Variants in IL34 observed in about 807,000 individuals in gnomAD.
IL34 encodes the protein interleukin-34.
Under a neutral mutation model 25.3 loss-of-function variants are expected in IL34, and 17 were observed. That is an observed-to-expected ratio of 0.67 (90% CI 0.46 to 1.01). The LOEUF (loss-of-function observed/expected upper bound fraction) is 1.01, where lower values mean the gene tolerates loss of function less well. Ranked by LOEUF, IL34 falls within the 50% of genes least tolerant of loss-of-function variation. The pLI, the probability that IL34 is intolerant of heterozygous loss-of-function variation, is 0.00. For synonymous variants in IL34, 174 were observed against 140.9 expected (o/e 1.23, Z -1.66); for missense variants, 368 against 312.9 (o/e 1.18, Z -1.33).
At chr16:70,605,665 T>C (rs1329716839) in intron 1 of IL34, among the ~76,000 whole-genome samples, 1 of 152,146 alleles carries the variant, frequency 6.6e-6, no homozygotes, top group African/African-American at 2.4e-5. Flanking sequence ...CTCTTCTCTC[T>C]TCTCTTCTCT....
chr16:70,626,296 G>T (rs2051391941), intron 1 of IL34, among the ~76,000 whole-genome samples: 1 of 151,962 alleles, frequency 6.6e-6, no homozygotes, highest in Non-Finnish European at 1.5e-5. Flanking sequence ...TTATTTCTAT[G>T]GAGTCAAATT....
rs1555506757 is a variant in IL34, at chr16:70,659,983, C to CCTAT, written c.539-11_539-8dup. 1.8e-5 allele frequency: 28 copies of CCTAT among 1,558,370 alleles called. No individual in the cohort carries two copies. Among genetic ancestry groups the CCTAT allele is most frequent in the Non-Finnish European group, 2.4e-5 (28 of 1,157,114 alleles). On this transcript the variant is annotated splice_polypyrimidine_tract_variant and intron_variant, in intron 5 of 5. Coordinates refer to ENST00000288098, the MANE Select transcript of IL34 (RefSeq NM_001393494.1). ...ACTGCTGCAGTCTTTTTTTTTTTCCCCTATCTCTTGCAGGTAAACAAAGCT... is the reference window on the plus strand; with the variant it reads ...ACTGCTGCAGTCTTTTTTTTTTTCCCCTATCTATCTCTTGCAGGTAAACAAAGCT...
intron 1 of IL34, among the ~76,000 whole-genome samples, chr16:70,581,656 A>G (rs2050637058): frequency 6.6e-6 from 1 of 152,192 alleles, no homozygotes; most frequent in South Asian, 2.1e-4. Flanking sequence ...GAGACAGTCT[A>G]ACGCAGTGGT....
At chr16:70,657,685 GA>G (rs1209822323) in intron 4 of IL34, among the ~76,000 whole-genome samples, 1 of 152,158 alleles carries the variant, frequency 6.6e-6, no homozygotes, top group East Asian at 1.9e-4. Context: ...TGAGGCAGGA[GA>G]ATCGCTTGAA....
chr16:70,610,349 G>C (rs1350386179), intron 1 of IL34, among the ~76,000 whole-genome samples: 2 of 152,166 alleles, frequency 1.3e-5, no homozygotes, highest in African/African-American at 4.8e-5. Context: ...TTTTCCTCCA[G>C]CGTCTGGGAG....
chr16:70,626,722 T>G (rs2051402142), intron 1 of IL34, among the ~76,000 whole-genome samples: 1 of 152,050 alleles, frequency 6.6e-6, no homozygotes, highest in Non-Finnish European at 1.5e-5. Flanking sequence ...CTATGTTTTC[T>G]TCTATTATTT....
intron 1 of IL34, among the ~76,000 whole-genome samples, chr16:70,649,162 G>C (rs1452272763): frequency 2.6e-5 from 4 of 152,176 alleles, no homozygotes; most frequent in African/African-American, 9.7e-5. Flanking sequence ...AGAATTCAAG[G>C]CAAGCTGGTG....
At chr16:70,633,252 C>A (rs935354262) in intron 1 of IL34, among the ~76,000 whole-genome samples, 2 of 150,154 alleles carry the variant, frequency 1.3e-5, no homozygotes, top group Non-Finnish European at 3.0e-5. Context: ...AGTGCCCAGA[C>A]TGATTTTTTT....
Position 70,659,850 on chromosome 16 carries a change from C to T in IL34, c.538+97C>T, listed in dbSNP as rs1423748562. ...AGAGCTGGCGTCCTCCCGGGCATAT[C>T]CTCTGCTCCCCGGGGCTACAAGCCA... On this transcript the variant is annotated intron_variant, in intron 5 of 5. Transcript: ENST00000288098. The T allele has an allele frequency of 9.3e-6, 14 of 1,498,270 alleles. No homozygotes were observed. The Admixed American group carries it at 1.7e-4, about 18-fold the overall frequency. 92.8% of individuals were successfully genotyped at this position (1,498,270 alleles called of 1,614,324 possible).
intron 2 of IL34, among the ~76,000 whole-genome samples, chr16:70,655,691 C>T (rs560651282): frequency 1.3e-5 from 2 of 152,206 alleles, no homozygotes; most frequent in African/African-American, 4.8e-5. Context: ...CATGCCTGAC[C>T]AATGTATCTT....
chr16:70,600,957 T>G (rs1024895341), intron 1 of IL34, among the ~76,000 whole-genome samples: 4 of 143,092 alleles, frequency 2.8e-5, no homozygotes, highest in Non-Finnish European at 5.9e-5. Flanking sequence ...GAGTAGGGGA[T>G]GCTGGGAGAA....
At chr16:70,618,102 T>A (rs1356399606) in intron 1 of IL34, among the ~76,000 whole-genome samples, 1 of 152,166 alleles carries the variant, frequency 6.6e-6, no homozygotes, top group Non-Finnish European at 1.5e-5. Context: ...TGAGAAGTTA[T>A]TTCCTTGAGG....
chr16:70,623,041 A>T (rs182779316), intron 1 of IL34, among the ~76,000 whole-genome samples: 177 of 152,172 alleles, frequency 1.2e-3, no homozygotes, highest in Middle Eastern at 3.4e-3. Context: ...TTGGGGGATT[A>T]ATCGGACACG....
intron 1 of IL34, among the ~76,000 whole-genome samples, chr16:70,582,395 C>T (rs11645287): frequency 0.4 from 61,153 of 152,180 alleles, 12,512 homozygotes; most frequent in South Asian, 0.63. Flanking sequence ...AGCCCCAGCC[C>T]GCTGTCACCG....
intron 1 of IL34, among the ~76,000 whole-genome samples, chr16:70,636,933 A>G (rs538308861): frequency 5.1e-4 from 77 of 151,714 alleles, no homozygotes; most frequent in Middle Eastern, 3.4e-3. Context: ...AGGTTGGAGT[A>G]CAGTGGCGTA....
intron 1 of IL34, among the ~76,000 whole-genome samples, chr16:70,612,795 G>C (rs2051110199): frequency 6.6e-6 from 1 of 152,082 alleles, no homozygotes; most frequent in East Asian, 1.9e-4. Flanking sequence ...CATGTTTTTT[G>C]TTTGTTTTGA....
chr16:70,605,226 G>A (rs1192698537), intron 1 of IL34, among the ~76,000 whole-genome samples: 1 of 152,148 alleles, frequency 6.6e-6, no homozygotes, highest in Non-Finnish European at 1.5e-5. Flanking sequence ...AAGAAAGGCT[G>A]TTGTGAGTCT....
chr16:70,592,899 C>T (rs575256107), intron 1 of IL34, among the ~76,000 whole-genome samples: 5 of 152,284 alleles, frequency 3.3e-5, no homozygotes, highest in South Asian at 2.1e-4. Context: ...ATGATCTGCC[C>T]GCCTCGGCCT....
chr16:70,632,200 A>G (rs1324480541), intron 1 of IL34, among the ~76,000 whole-genome samples: 1 of 151,984 alleles, frequency 6.6e-6, no homozygotes, highest in Admixed American at 6.6e-5. Context: ...CATGGTAAGC[A>G]CCAGTGAATA....
Sources: allele counts gnomAD v4.1 joint callset (sites outside exome capture counted in the v4.1 genomes callset), GRCh38; gene constraint gnomAD v4.1.1; transcripts MANE v1.5; gene names NCBI Gene and HGNC (gene_info 2026-07-23, HGNC 2026-07-21).